Variants in GLI2 observed in about 807,000 individuals in gnomAD.
The protein encoded by GLI2 is transcription activator GLI2.
In GLI2, 22 loss-of-function variants were observed where a neutral mutation model predicts 78.9. That is an observed-to-expected ratio of 0.28 (90% CI 0.20 to 0.40). The LOEUF (loss-of-function observed/expected upper bound fraction) is 0.40. Among genes scored for constraint, GLI2 ranks in the 10% least tolerant of loss-of-function variants. The pLI is 1.00. For synonymous variants in GLI2, 974 were observed against 963.7 expected (o/e 1.01, Z -0.20); for missense variants, 2,097 against 2,213.2 (o/e 0.95, Z 1.05).
At chr2:120,982,244 C>T (rs1487157347) in intron 10 of GLI2, among the ~76,000 whole-genome samples, 1 of 152,018 alleles carries the variant, frequency 6.6e-6, no homozygotes, top group Non-Finnish European at 1.5e-5. Context: ...TGAGGGTGGC[C>T]GACTCACTCA....
intron 2 of GLI2, among the ~76,000 whole-genome samples, chr2:120,871,132 G>A (rs1347768325): frequency 2.6e-5 from 4 of 152,232 alleles, no homozygotes. Flanking sequence ...TTCTTCTCCA[G>A]GCCAGAGCCT....
intron 2 of GLI2, among the ~76,000 whole-genome samples, chr2:120,830,024 T>G (rs912055136): frequency 3.9e-5 from 6 of 152,142 alleles, no homozygotes; most frequent in African/African-American, 1.4e-4. Context: ...GAGGTGGCTT[T>G]TGAGCAGAAG....
intron 1 of GLI2, among the ~76,000 whole-genome samples, chr2:120,738,269 G>A (rs1412444548): frequency 6.6e-6 from 1 of 152,164 alleles, no homozygotes; most frequent in Non-Finnish European, 1.5e-5. Context: ...TATGCTTCTT[G>A]TGCCTCTTTC....
intron 2 of GLI2, among the ~76,000 whole-genome samples, chr2:120,798,648 C>T (rs531478023): frequency 4.3e-4 from 65 of 152,316 alleles, no homozygotes; most frequent in Admixed American, 9.8e-4. Flanking sequence ...TGGACGATGC[C>T]TCTCCACCCT....
intron 2 of GLI2, among the ~76,000 whole-genome samples, chr2:120,837,422 T>C (rs962547336): frequency 6.7e-6 from 1 of 148,212 alleles, no homozygotes. Flanking sequence ...AAAGTCTTAA[T>C]CTTGTTTAGA....
chr2:120,977,101 CA>C (rs2105043897), intron 9 of GLI2, among the ~76,000 whole-genome samples: 1 of 152,326 alleles, frequency 6.6e-6, no homozygotes, highest in Non-Finnish European at 1.5e-5. Flanking sequence ...GCGAGTCGCA[CA>C]GGGCATGAGG....
intron 1 of GLI2, among the ~76,000 whole-genome samples, chr2:120,796,090 G>A (rs549400257): frequency 6.6e-6 from 1 of 152,130 alleles, no homozygotes; most frequent in African/African-American, 2.4e-5. Context: ...AAACAAACAT[G>A]TGACCATCAG....
At chr2:120,860,083 C>T (rs1687837207) in intron 2 of GLI2, among the ~76,000 whole-genome samples, 1 of 152,194 alleles carries the variant, frequency 6.6e-6, no homozygotes, top group Admixed American at 6.5e-5. Flanking sequence ...GGTGGTCAGG[C>T]AGGTGCACGC....
At chr2:120,746,920 A>G (rs1042659339) in intron 1 of GLI2, among the ~76,000 whole-genome samples, 2 of 152,172 alleles carry the variant, frequency 1.3e-5, no homozygotes, top group African/African-American at 4.8e-5. Flanking sequence ...TCATGTTATT[A>G]ATAATTTTAT....
chr2:120,797,371 T>G lies in GLI2; in HGVS notation c.51T>G (p.Ser17Arg). The change falls in exon 2 of 14, where the codon AGT (serine) becomes AGG (arginine). Residue 17 changes from serine to arginine, a missense_variant. By Grantham distance (110) the Ser-to-Arg change is moderately radical. This residue lies in a region of GLI2 where 578 missense variants were observed against 612.0 expected (regional missense o/e 0.94). Transcript: ENST00000361492. ...CCTCCGAGAAGCAAGAAGCCAAAAG[T>G]GGGATCCTGGAGGCCGCTGGCTTCC... ...ATASEKQEAK[S>R]GILEAAGFPD... 6.2e-7 allele frequency: 1 copy of G among 1,613,690 alleles called. No individual in the cohort carries two copies. The highest frequency in any genetic ancestry group is 8.5e-7 in the Non-Finnish European group (1 of 1,179,906).
intron 2 of GLI2, among the ~76,000 whole-genome samples, chr2:120,817,393 C>T (rs1323115835): frequency 1.3e-5 from 2 of 152,214 alleles, no homozygotes; most frequent in Admixed American, 6.5e-5. Flanking sequence ...TCACCCCTTC[C>T]ATCACATGCC....
chr2:120,894,322 GGATAGCTGCCTGGGGCCCGCGTAGCT>G (rs1226266556), intron 2 of GLI2, among the ~76,000 whole-genome samples: 218 of 152,366 alleles, frequency 1.4e-3, no homozygotes, highest in African/African-American at 5.0e-3. Context: ...CCCTTAGAAA[GGATAGCTGCCTGGGGCCCGCGTAGCT>G]GATAGCTGCC....
intron 2 of GLI2, among the ~76,000 whole-genome samples, chr2:120,875,775 A>G (rs558402120): frequency 2.9e-4 from 44 of 152,166 alleles, no homozygotes; most frequent in African/African-American, 1.0e-3. Context: ...AACGCCAAAG[A>G]GCCAGGACTA....
intron 2 of GLI2, among the ~76,000 whole-genome samples, chr2:120,837,715 A>G (rs962620643): frequency 3.9e-5 from 6 of 152,348 alleles, no homozygotes; most frequent in African/African-American, 1.2e-4. Flanking sequence ...TACTTTATCT[A>G]TGTGAATAAT....
At chr2:120,829,943 T>A (rs1236387024) in intron 2 of GLI2, among the ~76,000 whole-genome samples, 1 of 152,202 alleles carries the variant, frequency 6.6e-6, no homozygotes, top group East Asian at 1.9e-4. Flanking sequence ...GCGCATGTTT[T>A]GCTAAGGGCA....
intron 2 of GLI2, among the ~76,000 whole-genome samples, chr2:120,875,524 C>T (rs1047208502): frequency 1.3e-5 from 2 of 152,252 alleles, no homozygotes; most frequent in African/African-American, 2.4e-5. Flanking sequence ...ACAGTAGACA[C>T]AGCCTGTCCT....
At chr2:120,867,892 A>C (rs1688227277) in intron 2 of GLI2, among the ~76,000 whole-genome samples, 1 of 152,052 alleles carries the variant, frequency 6.6e-6, no homozygotes. Context: ...GAATGTGGGG[A>C]GGCATGGAGG....
At chr2:120,853,052 A>G (rs990053309) in intron 2 of GLI2, among the ~76,000 whole-genome samples, 9 of 152,200 alleles carry the variant, frequency 5.9e-5, no homozygotes. Context: ...GGCCCTCGAC[A>G]TGATCGCTCA....
chr2:120,942,867 T>TTCATTCATTCGTTCACGCCC (rs1680522229), intron 3 of GLI2, among the ~76,000 whole-genome samples: 1 of 12,974 alleles, frequency 7.7e-5, no homozygotes, highest in Non-Finnish European at 3.2e-3. Context: ...CCCTCTTTCA[T>TTCATTCATTCGTTCACGCCC]TCATTCATTC....
Sources: gnomAD v4.1 joint callset for allele counts (sites outside exome capture counted in the v4.1 genomes callset) on GRCh38, gnomAD v4.1.1 for gene constraint, gnomAD v4.1.1 regional missense constraint, MANE v1.5 for transcripts, NCBI Gene and HGNC (gene_info 2026-07-23, HGNC 2026-07-21) for gene names.